TJP1: variants seen among roughly 807,000 people sequenced by gnomAD.
TJP1 encodes tight junction protein 1.
A neutral mutation model predicts 194.2 loss-of-function variants in TJP1; 43 were observed. The observed-to-expected ratio is 0.22, with a 90% confidence interval of 0.17 to 0.29. The LOEUF (loss-of-function observed/expected upper bound fraction) is 0.29. Ranked by LOEUF, TJP1 falls within the 10% of genes least tolerant of loss-of-function variation. TJP1 has a pLI of 1.00. For missense variants in TJP1, 1,971 were observed against 2,185.7 expected (o/e 0.90, Z 1.96); for synonymous variants, 801 against 779.0 (o/e 1.03, Z -0.47).
chr15:29,822,913 C>G (rs2050517700), upstream of TJP1: 1 of 152,234 alleles, frequency 6.6e-6, no homozygotes, highest in African/African-American at 2.4e-5. Flanking sequence ...GGCGTTGTTC[C>G]CACGGAAGGC....
chr15:29,798,229 C>T (rs186251270), intron 2 of TJP1, among the ~76,000 whole-genome samples: 12 of 151,394 alleles, frequency 7.9e-5, no homozygotes, highest in Admixed American at 2.6e-4. Flanking sequence ...CCTCTCCCTC[C>T]CAAAGTGCTG....
Position 29,761,295 on chromosome 15 carries a change from A to G in TJP1, c.863-9T>C, listed in dbSNP as rs2151527988. On this transcript the variant is annotated splice_polypyrimidine_tract_variant and intron_variant, in intron 7 of 27. Coordinates refer to ENST00000614355, the MANE Select transcript of TJP1 (RefSeq NM_001330239.4). ...CTGAATTTCTGAAATGTCTGTTAAT[A>G]AAAGGGTGCTACTTATTTTCCCACA... 2 of 1,613,750 alleles carry G rather than the reference A, an allele frequency of 1.2e-6. No individual in the cohort carries two copies. Among genetic ancestry groups the G allele is most frequent in the Non-Finnish European group, 1.7e-6 (2 of 1,179,872 alleles).
chr15:29,745,813 T>C (rs2044733804), intron 8 of TJP1, among the ~76,000 whole-genome samples: 10 of 152,232 alleles, frequency 6.6e-5, no homozygotes, highest in Admixed American at 5.9e-4. Flanking sequence ...GTTCACCTTG[T>C]ATTGTTCAAC....
chr15:29,716,948 T>C, intron 22 of TJP1, 110 bp from the exon 23 acceptor site: 1 of 907,374 alleles, frequency 1.1e-6, no homozygotes, highest in Non-Finnish European at 1.7e-6. Context: ...TACTAACTGC[T>C]GTGATTACTG....
chr15:29,949,610 TTC>T (rs1480824466), intron 2 of TJP1, among the ~76,000 whole-genome samples: 398 of 22,554 alleles, frequency 0.018, no homozygotes, highest in African/African-American at 0.052. Flanking sequence ...CACCTCCACC[TTC>T]ACCACCACCA....
intron 2 of TJP1, among the ~76,000 whole-genome samples, chr15:29,793,164 G>A (rs946444373): frequency 6.6e-6 from 1 of 152,188 alleles, no homozygotes; most frequent in Admixed American, 6.5e-5. Context: ...GGTGGTGAAA[G>A]TGGGCTTCCT....
intron 20 of TJP1, 101 bp downstream of exon 20, chr15:29,719,676 C>A (rs545689286): frequency 6.9e-7 from 1 of 1,447,240 alleles, no homozygotes; most frequent in South Asian, 1.3e-5. Flanking sequence ...TATAAGCCTG[C>A]AGTAAAAAAG....
chr15:29,730,663 G>A (rs553585336), intron 15 of TJP1: 28 of 717,358 alleles, frequency 3.9e-5, no homozygotes, highest in African/African-American at 3.1e-4. Flanking sequence ...CAAAGCCCGC[G>A]TGCCGCTGCA....
intron 25 of TJP1, 149 bp downstream of exon 25, chr15:29,708,410 C>A (rs1367642590): frequency 1.5e-6 from 1 of 687,826 alleles, no homozygotes; most frequent in Non-Finnish European, 2.5e-6. Context: ...GGAGGACCTT[C>A]TATGTAACAG....
chr15:29,708,963 T>C lies in TJP1; in HGVS notation c.4446A>G (p.Pro1482=). The C allele has an allele frequency of 3.7e-6, 6 of 1,614,238 alleles. No homozygotes were observed. The highest frequency in any genetic ancestry group is 1.3e-5 in the African/African-American group (1 of 75,044). Residue 1482 remains proline (P), a synonymous_variant, in exon 25 of 28, where the codon CCA becomes CCG. Transcript: ENST00000614355. ...KPDPPPSQNK[P]ATFRPPNRED... ...CTCGGTTTGGTGGTCTGAAAGTTGC[T>C]GGCTTATTCTGAGATGGAGGTGGGT... is the stretch of plus-strand genomic sequence containing the variant.
rs1308012975 is a variant in TJP1, at chr15:29,733,274, A to T, written c.1556T>A (p.Phe519Tyr). 2 of 1,613,646 alleles carry T rather than the reference A, an allele frequency of 1.2e-6. No homozygotes were observed. Among genetic ancestry groups the T allele is most frequent in the Non-Finnish European group, 1.7e-6 (2 of 1,179,750 alleles). ...RIVESDVGDS[F>Y]YIRTHFEYEK... ...ATATTCAAAATGGGTTCTAATATAG[A>T]AAGAATCTCCTACATCTGATTCTAC... The change falls in exon 13 of 28, where the codon TTC becomes TAC. Residue 519 changes from phenylalanine (F) to tyrosine (Y), a missense_variant. Phe to Tyr is a conservative substitution (Grantham distance 22, BLOSUM62 3). Coordinates refer to ENST00000614355, the MANE Select transcript of TJP1 (RefSeq NM_001330239.4).
intron 2 of TJP1, among the ~76,000 whole-genome samples, chr15:29,833,881 A>ATATTTTTTTTTT (rs1555434000): frequency 7.9e-5 from 1 of 12,618 alleles, no homozygotes; most frequent in African/African-American, 3.0e-4. Flanking sequence ...ATATATATAT[A>ATATTTTTTTTTT]TTTTTTTTTT....
At chr15:29,705,460 A>G in intron 26 of TJP1, 68 bp downstream of exon 26, 1 of 1,479,088 alleles carries the variant, frequency 6.8e-7, no homozygotes, top group Non-Finnish European at 9.3e-7. Context: ...CAAGCACTAT[A>G]AGCTCTGAAG....
chr15:29,728,106 C>A (rs775254580), intron 15 of TJP1, 87 bp from the exon 16 acceptor site: 25 of 1,074,184 alleles, frequency 2.3e-5, no homozygotes, highest in Admixed American at 3.5e-5. Context: ...AACTGATATG[C>A]CGGACTGGAT....
intron 2 of TJP1, among the ~76,000 whole-genome samples, chr15:29,831,908 G>A (rs1308991362): frequency 6.6e-6 from 1 of 152,112 alleles, no homozygotes; most frequent in Admixed American, 6.6e-5. Flanking sequence ...GCACATGGAG[G>A]GTTTATTGTA....
intron 1 of TJP1, among the ~76,000 whole-genome samples, chr15:29,802,373 C>T (rs936235450): frequency 6.6e-6 from 1 of 151,982 alleles, no homozygotes; most frequent in African/African-American, 2.4e-5. Flanking sequence ...AAAGTAAGTC[C>T]CTATAAAGAA....
intron 4 of TJP1, among the ~76,000 whole-genome samples, chr15:29,767,029 G>A (rs186220720): frequency 4.1e-4 from 62 of 152,080 alleles, no homozygotes; most frequent in Non-Finnish European, 8.1e-4. Flanking sequence ...TTCTATAGCC[G>A]CACTAACATT....
intron 23 of TJP1, among the ~76,000 whole-genome samples, chr15:29,714,918 C>A (rs2042469499): frequency 6.6e-6 from 1 of 152,164 alleles, no homozygotes; most frequent in African/African-American, 2.4e-5. Context: ...AACTAAACAC[C>A]TGAGCCTTCT....
At position 29,966,198 on chromosome 15, in the gene TJP1, C is replaced by A. The variant is rs552116432; in HGVS notation, c.173+2469G>T. Among the ~76,000 whole-genome samples, 72 of 152,200 alleles carry A rather than the reference C, an allele frequency of 4.7e-4. 1 individual carries two copies. The East Asian group carries it at 9.4e-3, about 20-fold the overall frequency. ...GTCTAATAATTCCTCAAATATTATT[C>A]CCACATCTTGATTTTTAAACTGGCC... is the stretch of plus-strand genomic sequence containing the variant. On this transcript the variant is annotated intron_variant, in intron 1 of 28. Coordinates refer to the TJP1 transcript ENST00000356107.
Sources: allele counts gnomAD v4.1 joint callset (sites outside exome capture counted in the v4.1 genomes callset), GRCh38; gene constraint gnomAD v4.1.1; transcripts MANE v1.5; gene names NCBI Gene and HGNC (gene_info 2026-07-23, HGNC 2026-07-21).